The following GAS7 variants were observed in gnomAD, a reference collection of about 807,000 sequenced individuals.
GAS7 encodes the protein growth arrest-specific protein 7.
GAS7 carries 28 observed loss-of-function variants against 71.1 expected under a neutral mutation model. The observed-to-expected ratio is 0.39, with a 90% confidence interval of 0.29 to 0.54. The LOEUF (loss-of-function observed/expected upper bound fraction) is 0.54, where lower values mean the gene tolerates loss of function less well. GAS7 is among the 20% of genes least tolerant of loss of function. The pLI is 0.62. For missense variants in GAS7, 436 were observed against 627.8 expected, an observed-to-expected ratio of 0.69 and a Z score of 3.27; for synonymous variants, 258 against 245.8, an observed-to-expected ratio of 1.05 and a Z score of -0.46.
intron 1 of GAS7, among the ~76,000 whole-genome samples, chr17:10,183,798 C>T (rs1156547404): frequency 1.3e-5 from 2 of 151,722 alleles, no homozygotes; most frequent in Non-Finnish European, 2.9e-5. Flanking sequence ...GCTGAGATAG[C>T]GCCACTGCAC....
intron 1 of GAS7, among the ~76,000 whole-genome samples, chr17:10,049,517 T>C (rs2073030530): frequency 6.6e-6 from 1 of 152,068 alleles, no homozygotes; most frequent in African/African-American, 2.4e-5. Flanking sequence ...GTTGTTTCAA[T>C]TCTATTTCTT....
Position 10,103,032 on chromosome 17 carries a change from C to CT in GAS7, c.184-83136dup, listed in dbSNP as rs1433952790. 7.2e-5 allele frequency among the ~76,000 whole-genome samples: 11 copies of CT among 152,210 alleles called. No individual in the cohort carries two copies. Among genetic ancestry groups the CT allele is most frequent in the African/African-American group, 2.7e-4 (11 of 41,460 alleles). On this transcript the variant is annotated intron_variant, in intron 1 of 13. Transcript: ENST00000432992. This position sits in a 1 kb window ranked among gnomAD's most constrained non-coding sequence, Gnocchi z 5.5. ...CAGCAGCATTCCTGTCGCCTAGAAG[C>CT]TTGTTAGAAATGCAGAATCTGCATT...
rs548180488 is a variant in GAS7 at position 10,002,567 on chromosome 17, C to T, written c.304+17210G>A. On this transcript the variant is annotated intron_variant, in intron 2 of 13. Transcript: ENST00000432992. ...TAATGCTATCCCTCCCCCGTCCCCC[C>T]ATCCCACAACAGGCCCGGGTGTGTG... is the stretch of plus-strand genomic sequence containing the variant. 2.6e-5 allele frequency among the ~76,000 whole-genome samples: 4 copies of T among 152,148 alleles called. No individual in the cohort carries two copies. The East Asian group carries it at 7.7e-4, about 29-fold the overall frequency.
In GAS7 at chr17:9,943,121, C is replaced by T; in HGVS notation, c.731G>A (p.Arg244Lys). The T allele has an allele frequency of 6.2e-7, 1 of 1,601,360 alleles. No individual in the cohort carries two copies. ...GGGCTGGGAGGGGCCCAGGCTTCAC[C>T]TTTCCCGGATGAATTCTGACATTTC... ...QKEMSEFIRE[R>K]IKIEEDYAKN... The change falls in exon 7 of 14, where the codon AGG (arginine) becomes AAG (lysine). Residue 244 changes from arginine to lysine, a missense_variant and splice_region_variant. By Grantham distance (26) the Arg-to-Lys change is conservative (BLOSUM62 2). Transcript: ENST00000432992.
At chr17:10,156,479 C>A (rs1257147548) in intron 1 of GAS7, among the ~76,000 whole-genome samples, 1 of 152,196 alleles carries the variant, frequency 6.6e-6, no homozygotes, top group Non-Finnish European at 1.5e-5. Context: ...TGTGTTTTAA[C>A]ATGGGACAAA....
rs2067422860 is a variant in GAS7, at chr17:9,911,046, G to A, written c.*6182C>T. On this transcript the variant is annotated 3_prime_UTR_variant, in exon 14 of 14. Transcript: ENST00000432992. The surrounding 1 kb of genome is among the most constrained non-coding windows in gnomAD (Gnocchi z 4.0). ...ATGTGCTCGTGTCTGTGAAGGGGTT[G>A]CTTCCGGTCATCTCCTTCCTAACGG... 1 of 233,256 alleles carries A rather than the reference G, an allele frequency of 4.3e-6. No individual in the cohort carries two copies. Among genetic ancestry groups the A allele is most frequent in the South Asian group, 1.8e-4 (1 of 5,528 alleles). The allele number at this position is 233,256 out of a possible 1,614,324, so 14.4% of individuals were successfully genotyped here.
chr17:10,131,159 C>G (rs9909604), intron 1 of GAS7, among the ~76,000 whole-genome samples: 1 of 152,230 alleles, frequency 6.6e-6, no homozygotes, highest in Non-Finnish European at 1.5e-5. Flanking sequence ...CCCCAGCGTG[C>G]CTCTTGCCAC....
intron 2 of GAS7, among the ~76,000 whole-genome samples, chr17:9,990,129 C>T (rs974037143): frequency 1.2e-4 from 19 of 152,258 alleles, no homozygotes; most frequent in South Asian, 1.0e-3. Flanking sequence ...ATTAGCCGGG[C>T]GTGGTGGCAG....
intron 1 of GAS7, among the ~76,000 whole-genome samples, chr17:10,031,131 A>C (rs531072316): frequency 6.6e-6 from 1 of 152,120 alleles, no homozygotes; most frequent in East Asian, 1.9e-4. Flanking sequence ...CACTTGGGAC[A>C]CTCCAGACCT....
chr17:9,947,464 G>A (rs1334705411), intron 5 of GAS7, among the ~76,000 whole-genome samples: 1 of 152,208 alleles, frequency 6.6e-6, no homozygotes, highest in African/African-American at 2.4e-5. Context: ...TAGGAAAGCG[G>A]CCGGGCGCGG....
Position 10,047,725 on chromosome 17 carries a change from C to T in GAS7, c.184-27828G>A, listed in dbSNP as rs186700119. Among the ~76,000 whole-genome samples the T allele has an allele frequency of 8.5e-5, 13 of 152,084 alleles. No individual in the cohort carries two copies. In the South Asian group the frequency reaches 2.1e-3, roughly 24 times the overall value. ...AAAGGATGACAAAGAAGATAGTGGA[C>T]GAGGTGAGGATTATATAAAAATTGC... On this transcript the variant is annotated intron_variant, in intron 1 of 13. Transcript: ENST00000432992.
chr17:9,966,181 G>C (rs1342092964), intron 4 of GAS7, among the ~76,000 whole-genome samples: 2 of 151,728 alleles, frequency 1.3e-5, no homozygotes, highest in Non-Finnish European at 2.9e-5. Flanking sequence ...TGTATTTTTA[G>C]TAGAGACAGG....
chr17:10,197,624 T>C (rs1567629301), intron 1 of GAS7, among the ~76,000 whole-genome samples: 1 of 152,142 alleles, frequency 6.6e-6, no homozygotes, highest in African/African-American at 2.4e-5. Flanking sequence ...GAGCAGGCAG[T>C]GGCGGGGGGT....
rs1213617095 is a variant in GAS7, at chr17:9,940,218, C to T, written c.732-18G>A. ...TCTTTATCCTGCAAAGAGAGAAAACCCAACACACATCAGCTCTCCAGTGCC... is the reference window on the plus strand; with the variant it reads ...TCTTTATCCTGCAAAGAGAGAAAACTCAACACACATCAGCTCTCCAGTGCC... On this transcript the variant is annotated intron_variant, in intron 7 of 13. Transcript: ENST00000432992. 1 of 1,603,096 alleles carries T rather than the reference C, an allele frequency of 6.2e-7. No homozygotes were observed. The highest frequency in any genetic ancestry group is 8.5e-7 in the Non-Finnish European group (1 of 1,169,884).
Position 9,974,491 on chromosome 17 carries a change from C to G in GAS7, c.386-4729G>C, listed in dbSNP as rs2070105740. Among the ~76,000 whole-genome samples, 1 of 150,970 alleles carries G rather than the reference C, an allele frequency of 6.6e-6. No homozygotes were observed. The highest frequency in any genetic ancestry group is 2.4e-5 in the African/African-American group (1 of 40,938). On this transcript the variant is annotated intron_variant, in intron 3 of 13. Coordinates refer to ENST00000432992, the MANE Select transcript of GAS7 (RefSeq NM_201433.2). This position sits in a 1 kb window ranked among gnomAD's most constrained non-coding sequence, Gnocchi z 4.0. ...GGTCAAGGATCGCTCATAAAGGGAA[C>G]ATAATTCAGTCTGGAGATACAAGGA... is the stretch of plus-strand genomic sequence containing the variant.
At chr17:10,169,233 T>C (rs1163304197) in intron 1 of GAS7, among the ~76,000 whole-genome samples, 1 of 151,850 alleles carries the variant, frequency 6.6e-6, no homozygotes, top group Non-Finnish European at 1.5e-5. Context: ...GTCATTGCAC[T>C]CCAGCCTGGG....
intron 9 of GAS7, among the ~76,000 whole-genome samples, chr17:9,929,485 A>AT (rs921131870): frequency 5.3e-5 from 8 of 151,978 alleles, no homozygotes; most frequent in South Asian, 2.1e-4. Flanking sequence ...TTATTTATTT[A>AT]TTTTTTTGAG....
At chr17:9,921,958 C>CA (rs35195748) in intron 11 of GAS7, among the ~76,000 whole-genome samples, 2,444 of 88,902 alleles carry the variant, frequency 0.027, 80 homozygotes, top group East Asian at 0.1. Flanking sequence ...GACTCCATCT[C>CA]AAAAAAAAAA....
chr17:9,970,844 G>C (rs138772302), intron 3 of GAS7, among the ~76,000 whole-genome samples: 1 of 152,078 alleles, frequency 6.6e-6, no homozygotes, highest in Non-Finnish European at 1.5e-5. Flanking sequence ...AAGCCCCAAC[G>C]CCGCTACACG....
Sources: gnomAD v4.1 joint callset for allele counts (sites outside exome capture counted in the v4.1 genomes callset) on GRCh38, gnomAD v4.1.1 for gene constraint, Gnocchi (gnomAD v3.1) non-coding constraint, MANE v1.5 for transcripts, NCBI Gene and HGNC (gene_info 2026-07-23, HGNC 2026-07-21) for gene names.